Variants in ZBBX observed in about 807,000 individuals in gnomAD.
ZBBX encodes the protein zinc finger B-box domain containing, also known as zinc finger B-box domain-containing protein 1.
A neutral mutation model predicts 108.5 loss-of-function variants in ZBBX; 101 were observed. The observed-to-expected ratio is 0.93, with a 90% confidence interval of 0.79 to 1.10. The LOEUF (loss-of-function observed/expected upper bound fraction) is 1.10. Among genes scored for constraint, ZBBX ranks in the 50% least tolerant of loss-of-function variants. The probability of loss-of-function intolerance (pLI) is 0.00; values close to 1 mark genes in which losing one functional copy is unlikely to be tolerated. For missense variants in ZBBX, 1,009 were observed against 941.4 expected (o/e 1.07, Z -0.94); for synonymous variants, 356 against 323.4 (o/e 1.10, Z -1.08).
chr3:167,209,154 G>A, the ZBBX span, among the ~76,000 whole-genome samples: 4 of 148,308 alleles, frequency 2.7e-5, no homozygotes, highest in East Asian at 7.8e-4. Context: ...GAAGAATAGA[G>A]CACCAGGTAG....
At chr3:167,290,064 C>A (rs1048417493) in intron 18 of ZBBX, among the ~76,000 whole-genome samples, 1 of 152,148 alleles carries the variant, frequency 6.6e-6, no homozygotes, top group African/African-American at 2.4e-5. Context: ...AAGGCAGAAG[C>A]CCCAGCCACA....
At chr3:167,395,907 G>A (rs1262051439) in intron 1 of ZBBX, among the ~76,000 whole-genome samples, 3 of 151,956 alleles carry the variant, frequency 2.0e-5, no homozygotes, top group Non-Finnish European at 4.4e-5. Context: ...GACATATATG[G>A]AACCTTCTCC....
chr3:167,182,202 C>G, the ZBBX span, among the ~76,000 whole-genome samples: 2 of 152,118 alleles, frequency 1.3e-5, no homozygotes, highest in Admixed American at 6.6e-5. Context: ...TATCCTCTAC[C>G]CACTTTCAGT....
chr3:167,403,110 A>G (rs1003309389), intron 1 of ZBBX, among the ~76,000 whole-genome samples: 5 of 152,154 alleles, frequency 3.3e-5, no homozygotes, highest in African/African-American at 7.2e-5. Context: ...TGAATCTCCA[A>G]TGGAGTAAAT....
intron 6 of ZBBX, among the ~76,000 whole-genome samples, chr3:167,363,647 T>G (rs759868368): frequency 3.4e-4 from 51 of 152,066 alleles, no homozygotes; most frequent in Non-Finnish European, 6.3e-4. Context: ...TGTCCATCTT[T>G]CATTCTACAA....
At chr3:167,382,728 G>T (rs1380328299), upstream of ZBBX, among the ~76,000 whole-genome samples, 1 of 151,938 alleles carries the variant, frequency 6.6e-6, no homozygotes, top group Non-Finnish European at 1.5e-5. Context: ...AGCATTACAT[G>T]ATTTTCTAAA....
At chr3:167,183,410 A>T in the ZBBX span, among the ~76,000 whole-genome samples, 1 of 152,166 alleles carries the variant, frequency 6.6e-6, no homozygotes, top group Non-Finnish European at 1.5e-5. Context: ...AGCCCCATGT[A>T]TGGGCACCAC....
chr3:167,238,155 A>G (rs1409217208), downstream of ZBBX, among the ~76,000 whole-genome samples: 1 of 152,000 alleles, frequency 6.6e-6, no homozygotes, highest in Non-Finnish European at 1.5e-5. Context: ...ATGTTAAAAG[A>G]CGAACAGTAA....
chr3:167,400,735 A>T (rs537585698), intron 1 of ZBBX, among the ~76,000 whole-genome samples: 11 of 152,210 alleles, frequency 7.2e-5, no homozygotes, highest in Middle Eastern at 6.8e-3. Context: ...TATACATTTC[A>T]GAGAGACATG....
the ZBBX span, among the ~76,000 whole-genome samples, chr3:167,194,952 C>T: frequency 0.58 from 88,720 of 152,022 alleles, 26,105 homozygotes; most frequent in East Asian, 0.82. Context: ...ACCAGAAGCA[C>T]TGAGTGCTCC....
intron 20 of ZBBX, among the ~76,000 whole-genome samples, chr3:167,267,699 C>T (rs1725804723): frequency 6.6e-6 from 1 of 152,184 alleles, no homozygotes; most frequent in Non-Finnish European, 1.5e-5. Context: ...GTTCAGTGTT[C>T]TCAAGAGAAA....
At chr3:167,236,534 T>G (rs1720238137), downstream of ZBBX, among the ~76,000 whole-genome samples, 1 of 151,836 alleles carries the variant, frequency 6.6e-6, no homozygotes, top group African/African-American at 2.4e-5. Flanking sequence ...CATTTTATAA[T>G]TAAGAAATAC....
At chr3:167,213,759 A>C in the ZBBX span, among the ~76,000 whole-genome samples, 1 of 152,286 alleles carries the variant, frequency 6.6e-6, no homozygotes, top group African/African-American at 2.4e-5. Flanking sequence ...GAAATGAAAG[A>C]ATGTTATAAA....
At chr3:167,196,338 A>C in the ZBBX span, among the ~76,000 whole-genome samples, 3 of 152,222 alleles carry the variant, frequency 2.0e-5, no homozygotes, top group Non-Finnish European at 4.4e-5. Context: ...TTAATGGAGC[A>C]AGAGGAAAAT....
the ZBBX span, among the ~76,000 whole-genome samples, chr3:167,212,412 T>A: frequency 6.6e-6 from 1 of 152,302 alleles, no homozygotes; most frequent in African/African-American, 2.4e-5. Flanking sequence ...TCTCTGCCAC[T>A]GCCTCTGCAG....
At chr3:167,292,832 G>C (rs1203961281) in intron 18 of ZBBX, among the ~76,000 whole-genome samples, 1 of 151,832 alleles carries the variant, frequency 6.6e-6, no homozygotes, top group East Asian at 1.9e-4. Context: ...AAAGAGAGAA[G>C]AATCAAATAG....
At chr3:167,382,344 T>A (rs1747782171), upstream of ZBBX, among the ~76,000 whole-genome samples, 1 of 152,154 alleles carries the variant, frequency 6.6e-6, no homozygotes, top group Non-Finnish European at 1.5e-5. Context: ...CAATTACAGC[T>A]CTAGAGAGAT....
At chr3:167,286,418 G>A (rs949660813) in intron 19 of ZBBX, among the ~76,000 whole-genome samples, 1 of 152,084 alleles carries the variant, frequency 6.6e-6, no homozygotes, top group Non-Finnish European at 1.5e-5. Flanking sequence ...TTTATGGAAA[G>A]TACGATTCAC....
rs374883829 is a variant in ZBBX, at chr3:167,387,566, G to A, written c.-445-7161C>T. ...GCATATACAAATTTCCCTGCAGTGA[G>A]TTAGAATATAAGCATAGAGAATCTA... On this transcript the variant is annotated intron_variant, in intron 1 of 21. Transcript: ENST00000455345. Among the ~76,000 whole-genome samples the A allele has an allele frequency of 4.9e-4, 74 of 152,108 alleles. 1 individual carries two copies. In the East Asian group the frequency reaches 5.0e-3, roughly 10 times the overall value.
Sources: allele counts gnomAD v4.1 joint callset (sites outside exome capture counted in the v4.1 genomes callset), GRCh38; gene constraint gnomAD v4.1.1; transcripts MANE v1.5; gene names NCBI Gene and HGNC (gene_info 2026-07-23, HGNC 2026-07-21).